The following CACNA1E variants were observed in gnomAD, a reference collection of about 807,000 sequenced individuals.
CACNA1E encodes voltage-dependent R-type calcium channel subunit alpha-1E.
In CACNA1E, 40 loss-of-function variants were observed where a neutral mutation model predicts 259.2. That is an observed-to-expected ratio of 0.15 (90% CI 0.12 to 0.20). The LOEUF is 0.20. CACNA1E is among the 10% of genes least tolerant of loss of function. CACNA1E has a pLI of 1.00. For missense variants in CACNA1E, 1,874 were observed against 3,040.1 expected, an observed-to-expected ratio of 0.62 and a Z score of 9.02; for synonymous variants, 1,104 against 1,138.5, an observed-to-expected ratio of 0.97 and a Z score of 0.61.
chr1:181,749,017 G>A (rs1657358033), intron 25 of CACNA1E, among the ~76,000 whole-genome samples: 1 of 152,116 alleles, frequency 6.6e-6, no homozygotes, highest in Non-Finnish European at 1.5e-5. Flanking sequence ...ATCACATTAA[G>A]GATTTAAGGT....
intron 6 of CACNA1E, among the ~76,000 whole-genome samples, chr1:181,637,518 T>G (rs1325584716): frequency 6.7e-6 from 1 of 148,270 alleles, no homozygotes; most frequent in Non-Finnish European, 1.5e-5. Flanking sequence ...CTTTCTGTCT[T>G]TCATCCTTTC....
chr1:181,455,538 T>C (rs780726141), intron 2 of CACNA1E, among the ~76,000 whole-genome samples: 5 of 152,204 alleles, frequency 3.3e-5, no homozygotes, highest in Non-Finnish European at 7.3e-5. Flanking sequence ...GTTACCACAA[T>C]AAAAACTGAT....
At chr1:181,405,781 A>G (rs1657422128) in intron 1 of CACNA1E, among the ~76,000 whole-genome samples, 2 of 152,214 alleles carry the variant, frequency 1.3e-5, no homozygotes, top group African/African-American at 4.8e-5. Flanking sequence ...GAGTTGATAT[A>G]CACCACTTCT....
intron 1 of CACNA1E, among the ~76,000 whole-genome samples, chr1:181,496,212 A>G (rs1453872382): frequency 2.0e-5 from 3 of 152,184 alleles, no homozygotes; most frequent in Non-Finnish European, 4.4e-5. Flanking sequence ...ATTGTACCTA[A>G]GGACATATTT....
chr1:181,705,502 G>T (rs977951724), intron 7 of CACNA1E, among the ~76,000 whole-genome samples: 48 of 152,202 alleles, frequency 3.2e-4, no homozygotes, highest in Non-Finnish European at 6.6e-4. Flanking sequence ...CTGAAATTTA[G>T]AAACCCAAAC....
At chr1:181,702,043 T>C (rs1312062978) in intron 7 of CACNA1E, among the ~76,000 whole-genome samples, 2 of 152,266 alleles carry the variant, frequency 1.3e-5, no homozygotes. Flanking sequence ...CTGGCACATA[T>C]TGTGTGGATG....
intron 1 of CACNA1E, among the ~76,000 whole-genome samples, chr1:181,355,587 CAAACAAAACAAAACAAAACA>C (rs142997966): frequency 5.7e-4 from 85 of 148,612 alleles, no homozygotes; most frequent in South Asian, 1.5e-3. Flanking sequence ...GACTCCATCT[CAAACAAAACAAAACAAAACA>C]AAACAAAACA....
chr1:181,410,702 A>G (rs1047810756), intron 1 of CACNA1E, among the ~76,000 whole-genome samples: 4 of 152,350 alleles, frequency 2.6e-5, no homozygotes, highest in South Asian at 2.1e-4. Flanking sequence ...GGAGAAAACC[A>G]TAAGCTAGGA....
chr1:181,667,558 A>G (rs948880288), intron 7 of CACNA1E, among the ~76,000 whole-genome samples: 4 of 152,226 alleles, frequency 2.6e-5, no homozygotes, highest in Non-Finnish European at 5.9e-5. Flanking sequence ...ATGATACACT[A>G]TCAGAACACA....
chr1:181,763,186 C>T (rs1177298365), intron 33 of CACNA1E, among the ~76,000 whole-genome samples: 4 of 152,038 alleles, frequency 2.6e-5, no homozygotes, highest in African/African-American at 9.7e-5. Context: ...TACCCTTCTC[C>T]AGTACATCCT....
chr1:181,688,753 CT>C (rs1167102669), intron 7 of CACNA1E, among the ~76,000 whole-genome samples: 1 of 152,098 alleles, frequency 6.6e-6, no homozygotes, highest in African/African-American at 2.4e-5. Flanking sequence ...AGAATTTATC[CT>C]GTTTAACTGC....
chr1:181,617,024 T>C (rs77084258), intron 6 of CACNA1E, among the ~76,000 whole-genome samples: 10 of 152,342 alleles, frequency 6.6e-5, no homozygotes, highest in African/African-American at 2.4e-4. Flanking sequence ...TGTCCTTTTT[T>C]CATTCCTGAT....
chr1:181,542,203 T>G (rs1389180000), intron 3 of CACNA1E, among the ~76,000 whole-genome samples: 1 of 152,208 alleles, frequency 6.6e-6, no homozygotes, highest in Non-Finnish European at 1.5e-5. Context: ...GTTTCTTGAC[T>G]GCAACCTCAT....
At chr1:181,425,094 A>C (rs1174728373) in intron 2 of CACNA1E, among the ~76,000 whole-genome samples, 1 of 152,096 alleles carries the variant, frequency 6.6e-6, no homozygotes, top group Middle Eastern at 3.2e-3. Context: ...TTCAGAAGAG[A>C]TATTTTTTCT....
At chr1:181,480,807 G>A (rs918941099), upstream of CACNA1E, among the ~76,000 whole-genome samples, 5 of 152,158 alleles carry the variant, frequency 3.3e-5, no homozygotes, top group South Asian at 4.1e-4. Flanking sequence ...GTATAATCTA[G>A]TGTAAAAAGC....
In CACNA1E at chr1:181,806,926, C is replaced by T. The variant is rs979566077; in HGVS notation, c.*8092C>T. On this transcript the variant is annotated 3_prime_UTR_variant, in exon 48 of 48. Coordinates refer to ENST00000367573, the MANE Select transcript of CACNA1E (RefSeq NM_001205293.3). ...GCACTTAGTTGGGGTCTGCTCAGAC[C>T]AGTCAGGAGGAATTCAGGAGGCTTT... is the stretch of plus-strand genomic sequence containing the variant. The T allele has an allele frequency of 6.6e-6, 1 of 152,028 alleles. No individual in the cohort carries two copies. The highest frequency in any genetic ancestry group is 2.4e-5 in the African/African-American group (1 of 41,398). 9.4% of individuals were successfully genotyped at this position (152,028 alleles called of 1,614,324 possible). A position where few individuals can be genotyped will look rare whatever the true frequency, so the allele number is the denominator to read the frequency against.
At chr1:181,593,269 G>T (rs1007037302) in intron 6 of CACNA1E, among the ~76,000 whole-genome samples, 5 of 152,172 alleles carry the variant, frequency 3.3e-5, no homozygotes, top group Non-Finnish European at 7.3e-5. Flanking sequence ...TGCAGAGTGG[G>T]TGTCTGGTTG....
chr1:181,746,696 C>A (rs543409418), intron 25 of CACNA1E, among the ~76,000 whole-genome samples: 1 of 152,196 alleles, frequency 6.6e-6, no homozygotes, highest in South Asian at 2.1e-4. Flanking sequence ...CCCTCATAGA[C>A]CCTAAACTGA....
In CACNA1E at chr1:181,756,962, C is replaced by T. The variant is rs2102689215; in HGVS notation, c.4165C>T (p.Arg1389Ter). The change falls in exon 30 of 48, where the codon CGA (arginine) becomes TGA (stop). Residue 1389 changes from arginine to a stop codon, truncating the protein, a stop_gained. Coordinates refer to ENST00000367573, the MANE Select transcript of CACNA1E (RefSeq NM_001205293.3). LOFTEE classifies it high-confidence loss of function. ...QHSVDVTEED[R>*]GPSRSNRMEM... ...CTCTGTAGATGTGACAGAGGAAGAC[C>T]GAGGCCCAAGCCGCAGCAACCGCAT... 1 of 1,613,734 alleles carries T rather than the reference C, an allele frequency of 6.2e-7. No individual in the cohort carries two copies. Among genetic ancestry groups the T allele is most frequent in the Non-Finnish European group, 8.5e-7 (1 of 1,179,636 alleles).
Sources: gnomAD v4.1 joint callset for allele counts (sites outside exome capture counted in the v4.1 genomes callset) on GRCh38, gnomAD v4.1.1 for gene constraint, MANE v1.5 for transcripts, NCBI Gene and HGNC (gene_info 2026-07-23, HGNC 2026-07-21) for gene names.